The following TTF1 variants were observed in gnomAD, a reference collection of about 807,000 sequenced individuals.
TTF1 encodes transcription termination factor, RNA polymerase I.
In TTF1, 64 loss-of-function variants were observed where a neutral mutation model predicts 80.2. The observed-to-expected ratio is 0.80, with a 90% confidence interval of 0.65 to 0.98. The LOEUF (loss-of-function observed/expected upper bound fraction) is 0.98. TTF1 is among the 50% of genes least tolerant of loss of function. The pLI is 0.00. For synonymous variants in TTF1, 372 were observed against 382.7 expected (o/e 0.97, Z 0.33); for missense variants, 1,023 against 1,086.2 (o/e 0.94, Z 0.82).
chr9:132,382,551 C>T (rs935853073), intron 9 of TTF1, among the ~76,000 whole-genome samples: 1 of 152,156 alleles, frequency 6.6e-6, no homozygotes, highest in Non-Finnish European at 1.5e-5. Context: ...GTGCCAACTG[C>T]GGACATTCTA....
rs151062600 is a variant in TTF1, at chr9:132,384,500, T to C, written c.2378+2056A>G. 3.3e-3 allele frequency among the ~76,000 whole-genome samples: 500 copies of C among 152,282 alleles called. No homozygotes were observed. Among genetic ancestry groups the C allele is most frequent in the South Asian group, 0.013 (63 of 4,826 alleles). The stretch of plus-strand genomic sequence containing the variant: ...AAGCAGTAACAAAAGAGAGTAGGTA[T>C]AAATAGCCAACATTAGCCATCAGAA... On this transcript the variant is annotated intron_variant, in intron 9 of 10. Transcript: ENST00000334270. The surrounding 1 kb of genome is among the most constrained non-coding windows in gnomAD (Gnocchi z 4.1).
At position 132,402,349 on chromosome 9, in the gene TTF1, G is replaced by T; in HGVS notation, c.473C>A (p.Ala158Asp). 2 of 1,614,028 alleles carry T rather than the reference G, an allele frequency of 1.2e-6. No individual in the cohort carries two copies. The highest frequency in any genetic ancestry group is 8.5e-7 in the Non-Finnish European group (1 of 1,180,014). ...TTTCTCCCTAACTTTACTGTGCAGGGCTTCTGATTTATGTGCATGTGACTT... is the reference window on the plus strand; with the variant it reads ...TTTCTCCCTAACTTTACTGTGCAGGTCTTCTGATTTATGTGCATGTGACTT... ...LAKSHAHKSEALHSKVREKKN... is the reference protein window; with the variant it reads ...LAKSHAHKSEDLHSKVREKKN... Residue 158 changes from alanine to aspartate, a missense_variant, in exon 2 of 11, where the codon GCC (alanine) becomes GAC (aspartate). Physicochemically the swap from Ala to Asp is moderately radical, Grantham distance 126. Coordinates refer to ENST00000334270, the MANE Select transcript of TTF1 (RefSeq NM_007344.4).
chr9:132,379,208 TG>T, intron 9 of TTF1, 64 bp from the exon 10 acceptor site: 1 of 1,194,238 alleles, frequency 8.4e-7, no homozygotes, highest in Non-Finnish European at 1.2e-6. Context: ...TTCAATACAG[TG>T]TAGTAAGTAC....
intron 9 of TTF1, among the ~76,000 whole-genome samples, chr9:132,383,431 C>A (rs1849406243): frequency 6.6e-6 from 1 of 152,046 alleles, no homozygotes; most frequent in Non-Finnish European, 1.5e-5. Context: ...AAAATAACAT[C>A]CTTGCTTGGG....
At chr9:132,378,162 C>G (rs1326889082) in intron 10 of TTF1, among the ~76,000 whole-genome samples, 2 of 105,578 alleles carry the variant, frequency 1.9e-5, no homozygotes, top group African/African-American at 7.6e-5. Flanking sequence ...TGTGTGAGTG[C>G]ATGTGGTGTG....
intron 1 of TTF1, among the ~76,000 whole-genome samples, chr9:132,405,565 A>G (rs376345804): frequency 3.2e-4 from 48 of 152,146 alleles, no homozygotes; most frequent in Non-Finnish European, 1.3e-4. Context: ...TTTTTTGTAA[A>G]TACTTCCTAG....
chr9:132,395,298 G>T (rs1366778798), intron 5 of TTF1, among the ~76,000 whole-genome samples: 1 of 152,072 alleles, frequency 6.6e-6, no homozygotes, highest in Non-Finnish European at 1.5e-5. Context: ...GGAATTGCTT[G>T]CTATAAAAAT....
intron 7 of TTF1, among the ~76,000 whole-genome samples, chr9:132,389,065 T>C (rs2131632819): frequency 6.6e-6 from 1 of 152,280 alleles, no homozygotes; most frequent in Admixed American, 6.5e-5. Flanking sequence ...AATAGCTAAA[T>C]CTTGCACGTT....
intron 9 of TTF1, among the ~76,000 whole-genome samples, chr9:132,382,082 C>T (rs935837156): frequency 1.2e-4 from 18 of 152,344 alleles, no homozygotes; most frequent in African/African-American, 4.3e-4. Flanking sequence ...TGCAGCCCAG[C>T]TCTCCCTTGC....
chr9:132,385,866 A>G (rs1399055724), intron 9 of TTF1, among the ~76,000 whole-genome samples: 1 of 152,182 alleles, frequency 6.6e-6, no homozygotes, highest in African/African-American at 2.4e-5. Flanking sequence ...ATTCTATACT[A>G]TACAAAACTT....
At chr9:132,397,214 T>C (rs1474412163) in intron 4 of TTF1, among the ~76,000 whole-genome samples, 1 of 152,202 alleles carries the variant, frequency 6.6e-6, no homozygotes, top group Non-Finnish European at 1.5e-5. Flanking sequence ...AACACTGCGG[T>C]GGAGAATACA....
chr9:132,396,252 A>G (rs1394499676), intron 5 of TTF1, among the ~76,000 whole-genome samples, 181 bp downstream of exon 5: 5 of 152,220 alleles, frequency 3.3e-5, no homozygotes, highest in Admixed American at 6.5e-5. Context: ...CAGCTTCACT[A>G]AAGAGGTGGG....
rs145297628 is a variant in TTF1 at position 132,378,577 on chromosome 9, TGTG to T, written c.2464+479_2464+481del. On this transcript the variant is annotated intron_variant, in intron 10 of 10. Coordinates refer to ENST00000334270, the MANE Select transcript of TTF1 (RefSeq NM_007344.4). ...TGTGAATGCATGTGGTGTGAGTGCA[TGTG>T]GTGTGTGAATGCATGTGGTGTGAGT... 1.7e-3 allele frequency among the ~76,000 whole-genome samples: 192 copies of T among 112,676 alleles called. 5 individuals carry two copies. The highest frequency in any genetic ancestry group is 7.5e-3 in the African/African-American group (176 of 23,590). 73.9% of individuals were successfully genotyped at this position (112,676 alleles called of 152,430 possible).
chr9:132,381,479 C>T (rs1849370908), intron 9 of TTF1, among the ~76,000 whole-genome samples: 1 of 152,340 alleles, frequency 6.6e-6, no homozygotes, highest in South Asian at 2.1e-4. Flanking sequence ...CGTGAATCAC[C>T]ACGCCCGGCC....
At chr9:132,388,067 C>T in intron 8 of TTF1, 72 bp downstream of exon 8, 1 of 1,249,290 alleles carries the variant, frequency 8.0e-7, no homozygotes, top group Non-Finnish European at 1.2e-6. Flanking sequence ...ACTGCAGACT[C>T]TGCTGGGTTA....
At chr9:132,392,419 G>A (rs1477453015) in intron 5 of TTF1, among the ~76,000 whole-genome samples, 3 of 152,162 alleles carry the variant, frequency 2.0e-5, no homozygotes, top group Admixed American at 6.5e-5. Flanking sequence ...TGGCTCAACT[G>A]AACAGCAGCC....
intron 9 of TTF1, among the ~76,000 whole-genome samples, chr9:132,385,598 G>A (rs1446751831): frequency 1.3e-5 from 2 of 152,174 alleles, no homozygotes; most frequent in African/African-American, 4.8e-5. Flanking sequence ...AACATCTTCA[G>A]TCTCATCCCC....
chr9:132,378,707 GTGCATGTGGTGTGTGTGAGTGCT>G (rs1210328792), intron 10 of TTF1, among the ~76,000 whole-genome samples: 2 of 150,176 alleles, frequency 1.3e-5, no homozygotes, highest in Non-Finnish European at 3.0e-5. Flanking sequence ...TGTGGTGTGA[GTGCATGTGGTGTGTGTGAGTGCT>G]TGCATGTGGT....
At chr9:132,404,418 G>C (rs1001912337) in intron 1 of TTF1, among the ~76,000 whole-genome samples, 7 of 152,094 alleles carry the variant, frequency 4.6e-5, no homozygotes, top group Non-Finnish European at 7.4e-5. Context: ...AACAAAGGAA[G>C]TGTCCCTTCT....
Sources: gnomAD v4.1 joint callset for allele counts (sites outside exome capture counted in the v4.1 genomes callset) on GRCh38, gnomAD v4.1.1 for gene constraint, Gnocchi (gnomAD v3.1) non-coding constraint, MANE v1.5 for transcripts, NCBI Gene and HGNC (gene_info 2026-07-23, HGNC 2026-07-21) for gene names.